The following IQCK variants were observed in gnomAD, a reference collection of about 807,000 sequenced individuals.
IQCK encodes IQ motif containing K, also known as IQ domain-containing protein K.
A neutral mutation model predicts 28.1 loss-of-function variants in IQCK; 29 were observed. That is an observed-to-expected ratio of 1.03 (90% CI 0.77 to 1.41). The LOEUF is 1.41. IQCK is among the 40% of genes most tolerant of loss of function. The pLI is 0.00. For synonymous variants in IQCK, 113 were observed against 115.1 expected (o/e 0.98, Z 0.12); for missense variants, 359 against 314.7 (o/e 1.14, Z -1.07).
intron 4 of IQCK, among the ~76,000 whole-genome samples, chr16:19,739,552 T>A (rs2054803245): frequency 6.6e-6 from 1 of 152,222 alleles, no homozygotes; most frequent in Non-Finnish European, 1.5e-5. Flanking sequence ...TGGTGGCTCA[T>A]GCCTATAATC....
chr16:19,718,510 GA>G (rs1977336484), intron 1 of IQCK, 23 bp downstream of exon 1: 1 of 1,570,012 alleles, frequency 6.4e-7, no homozygotes, highest in Non-Finnish European at 8.6e-7. Context: ...GGCTGGCCGA[GA>G]GGGGCGGGAC....
chr16:19,745,918 C>A (rs981424676), intron 4 of IQCK, among the ~76,000 whole-genome samples: 2 of 152,168 alleles, frequency 1.3e-5, no homozygotes, highest in Non-Finnish European at 2.9e-5. Flanking sequence ...TCCTTTACAG[C>A]GTGGTGGTCT....
chr16:19,723,004 A>G (rs1216505007), intron 1 of IQCK, among the ~76,000 whole-genome samples: 1 of 152,092 alleles, frequency 6.6e-6, no homozygotes, highest in Admixed American at 6.6e-5. Context: ...GAGCTACCGC[A>G]TCCGGCCTGC....
chr16:19,762,006 T>G (rs996237537), intron 4 of IQCK: 14 of 152,786 alleles, frequency 9.2e-5, no homozygotes, highest in African/African-American at 3.4e-4. Context: ...GCCCCACATC[T>G]GTGTTCCAGC....
intron 4 of IQCK, 28 bp from the exon 5 acceptor site, chr16:19,763,820 G>T: frequency 6.4e-7 from 1 of 1,567,486 alleles, no homozygotes; most frequent in Non-Finnish European, 8.8e-7. Flanking sequence ...AGGGTCAGTT[G>T]TAATTTAATT....
intron 7 of IQCK, among the ~76,000 whole-genome samples, chr16:19,821,154 G>A (rs1157364799): frequency 6.6e-6 from 1 of 151,300 alleles, no homozygotes; most frequent in African/African-American, 2.4e-5. Context: ...ACCAGCCTGG[G>A]CAAAAAAGCG....
exon 1 of IQCK, chr16:19,718,467 T>G: frequency 1.2e-6 from 2 of 1,607,090 alleles, no homozygotes; most frequent in Non-Finnish European, 1.7e-6. Context: ...AGCAAGAATC[T>G]GTGGGAGCAG....
At chr16:19,804,580 G>C (rs2055809699) in intron 7 of IQCK, among the ~76,000 whole-genome samples, 1 of 151,924 alleles carries the variant, frequency 6.6e-6, no homozygotes, top group Non-Finnish European at 1.5e-5. Context: ...TGGGACCACA[G>C]CTGTGAGCTA....
At chr16:19,841,560 A>G (rs538682745) in intron 9 of IQCK, among the ~76,000 whole-genome samples, 1 of 152,290 alleles carries the variant, frequency 6.6e-6, no homozygotes, top group Admixed American at 6.5e-5. Context: ...TTAGATGCAG[A>G]ATGAAATTAA....
chr16:19,844,312 C>T (rs2056392374), intron 9 of IQCK, among the ~76,000 whole-genome samples: 1 of 152,142 alleles, frequency 6.6e-6, no homozygotes, highest in African/African-American at 2.4e-5. Context: ...CTCCTGACCT[C>T]AGGTGATCCG....
exon 1 of IQCK, chr16:19,718,461 A>G: frequency 6.2e-7 from 1 of 1,607,696 alleles, no homozygotes; most frequent in Non-Finnish European, 8.5e-7. Flanking sequence ...CCGTCAAGCA[A>G]GAATCTGTGG....
chr16:19,785,502 A>C (rs912547017), intron 6 of IQCK, among the ~76,000 whole-genome samples: 2 of 152,232 alleles, frequency 1.3e-5, no homozygotes, highest in African/African-American at 4.8e-5. Context: ...TCCACGCCTA[A>C]GTAACAAAAG....
chr16:19,767,679 G>T (rs1311569247), intron 6 of IQCK, among the ~76,000 whole-genome samples: 1 of 152,090 alleles, frequency 6.6e-6, no homozygotes, highest in Non-Finnish European at 1.5e-5. Flanking sequence ...GGGGGGTGTG[G>T]CAAGCCAGGG....
chr16:19,756,139 G>A (rs576892100), intron 4 of IQCK, among the ~76,000 whole-genome samples: 1 of 152,176 alleles, frequency 6.6e-6, no homozygotes, highest in Non-Finnish European at 1.5e-5. Context: ...AGCCTTGATT[G>A]TGCCACTGCA....
downstream of IQCK, among the ~76,000 whole-genome samples, chr16:19,830,976 G>A (rs546710025): frequency 2.0e-5 from 3 of 152,312 alleles, no homozygotes; most frequent in East Asian, 3.9e-4. Context: ...ATGTAGGACC[G>A]TGTTTGTCTT....
intron 1 of IQCK, among the ~76,000 whole-genome samples, chr16:19,719,087 T>C (rs1191914349): frequency 6.6e-6 from 1 of 152,194 alleles, no homozygotes; most frequent in Non-Finnish European, 1.5e-5. Context: ...GGGCAAATTA[T>C]TTAACTTATG....
At chr16:19,855,256 C>G (rs1033375529) in intron 9 of IQCK, among the ~76,000 whole-genome samples, 5 of 152,112 alleles carry the variant, frequency 3.3e-5, no homozygotes, top group African/African-American at 1.2e-4. Context: ...GACTGCAGGG[C>G]TGGTCTGTGT....
intron 9 of IQCK, among the ~76,000 whole-genome samples, chr16:19,850,591 T>C (rs1597613354): frequency 6.6e-6 from 1 of 152,300 alleles, no homozygotes; most frequent in East Asian, 1.9e-4. Context: ...GCGTGGCAGA[T>C]GGTCATCTAT....
intron 7 of IQCK, among the ~76,000 whole-genome samples, chr16:19,793,663 TTTTTTTTTTTG>T (rs2055655677): frequency 7.5e-6 from 1 of 133,054 alleles, no homozygotes; most frequent in Non-Finnish European, 1.5e-5. Context: ...TTTTTTTTTT[TTTTTTTTTTTG>T]TGAAATTAAC....
Sources: allele counts gnomAD v4.1 joint callset (sites outside exome capture counted in the v4.1 genomes callset), GRCh38; gene constraint gnomAD v4.1.1; transcripts MANE v1.5; gene names NCBI Gene and HGNC (gene_info 2026-07-23, HGNC 2026-07-21).